FDFT1: variants seen among roughly 807,000 people sequenced by gnomAD.
FDFT1 encodes farnesyl-diphosphate farnesyltransferase 1.
FDFT1 carries 68 observed loss-of-function variants against 46.8 expected under a neutral mutation model. The ratio of observed to expected loss-of-function variants is 1.45; its 90% CI spans 1.19 to 1.78. The LOEUF (loss-of-function observed/expected upper bound fraction) is 1.78, where lower values mean the gene tolerates loss of function less well. FDFT1 is among the 40% of genes most tolerant of loss of function. The pLI, the probability that FDFT1 is intolerant of heterozygous loss-of-function variation, is 0.00. For missense variants in FDFT1, 928 were observed against 524.4 expected (o/e 1.77, Z -7.52); for synonymous variants, 351 against 185.1 (o/e 1.90, Z -7.28).
At chr8:11,824,054 G>C (rs898583943) in intron 4 of FDFT1, among the ~76,000 whole-genome samples, 8 of 152,076 alleles carry the variant, frequency 5.3e-5, no homozygotes, top group Non-Finnish European at 8.8e-5. Context: ...ACAGAGATGA[G>C]GTCTTGCTTT....
Position 11,803,070 on chromosome 8 carries a change from C to G in FDFT1, c.99+139C>G, listed in dbSNP as rs186292939. The G allele has an allele frequency of 1.9e-4, 270 of 1,450,236 alleles. No homozygotes were observed. In the East Asian group the frequency reaches 5.8e-3, roughly 31 times the overall value. 89.8% of individuals were successfully genotyped at this position (1,450,236 alleles called of 1,614,324 possible). A position where few individuals can be genotyped will look rare whatever the true frequency, so the allele number is the denominator to read the frequency against. On this transcript the variant is annotated intron_variant, in intron 1 of 7. Coordinates refer to ENST00000220584, the MANE Select transcript of FDFT1 (RefSeq NM_004462.5). ...CGCCTGGGTGTTCCCGTCCCCCTTT[C>G]CTCGAGCCTTCCCCCTGTAGGGCCC...
chr8:11,808,247 ACT>A (rs769834396), intron 1 of FDFT1: 141 of 1,202,568 alleles, frequency 1.2e-4, no homozygotes, highest in African/African-American at 1.9e-4. Context: ...GTCTAGGGAG[ACT>A]CTGTCACTGG....
At chr8:11,822,318 A>G (rs185896326) in intron 4 of FDFT1, among the ~76,000 whole-genome samples, 14 of 148,984 alleles carry the variant, frequency 9.4e-5, no homozygotes, top group Middle Eastern at 3.5e-3. Flanking sequence ...TAAAGTGTTG[A>G]TGTATTTCAT....
At position 11,820,484 on chromosome 8, in the gene FDFT1, CTGAG is replaced by C. The variant is rs1563320558; in HGVS notation, c.382-1265_382-1262del. Among the ~76,000 whole-genome samples the C allele has an allele frequency of 5.9e-5, 5 of 84,744 alleles. No individual in the cohort carries two copies. In the Admixed American group the frequency reaches 6.7e-4, roughly 11 times the overall value. 55.6% of individuals were successfully genotyped at this position (84,744 alleles called of 152,430 possible). A position where few individuals can be genotyped will look rare whatever the true frequency, so the allele number is the denominator to read the frequency against. On this transcript the variant is annotated intron_variant, in intron 3 of 7. Coordinates refer to ENST00000220584, the MANE Select transcript of FDFT1 (RefSeq NM_004462.5). The stretch of plus-strand genomic sequence containing the variant: ...CAATCTAGAGAGGCAGTAGGCCTTG[CTGAG>C]CTGCGGTGGGCTCCACCCAGTTCAA...
At chr8:11,837,328 T>A (rs1563349012) in intron 7 of FDFT1, among the ~76,000 whole-genome samples, 1 of 152,204 alleles carries the variant, frequency 6.6e-6, no homozygotes, top group Admixed American at 6.5e-5. Context: ...CCTCCCAGGC[T>A]CAAGTGATCT....
At chr8:11,808,559 C>A (rs1279049046) in intron 1 of FDFT1, 2 of 1,367,568 alleles carry the variant, frequency 1.5e-6, no homozygotes, top group South Asian at 1.7e-5. Context: ...TGGCCCTCTT[C>A]AAGCGCACCT....
In FDFT1 at chr8:11,830,270, A is replaced by C. The variant is rs767547038; in HGVS notation, c.729A>C (p.Leu243Phe). 1 of 1,614,052 alleles carries C rather than the reference A, an allele frequency of 6.2e-7. No individual in the cohort carries two copies. Among genetic ancestry groups the C allele is most frequent in the South Asian group, 1.1e-5 (1 of 91,074 alleles). Residue 243 changes from leucine (L) to phenylalanine (F), a missense_variant, in exon 6 of 8, where the codon TTA (leucine) becomes TTC (phenylalanine). Physicochemically the swap from Leu to Phe is conservative, Grantham distance 22. Transcript: ENST00000220584. The stretch of plus-strand genomic sequence containing the variant: ...TTTGGAGCAGGTATGTTAAGAAGTT[A>C]GGGGATTTTGCTAAGCCGGAGAATA... Reference protein sequence around the residue: ...QEVWSRYVKKLGDFAKPENID... With the variant: ...QEVWSRYVKKFGDFAKPENID...
rs71539744 is a variant in FDFT1, at chr8:11,810,933, TAAAAAAAAA to T, written c.381+1100_381+1108del. 5.9e-3 allele frequency among the ~76,000 whole-genome samples: 531 copies of T among 89,436 alleles called. 3 individuals carry two copies. Among genetic ancestry groups the T allele is most frequent in the Non-Finnish European group, 6.8e-3 (321 of 47,030 alleles). 58.7% of individuals were successfully genotyped at this position (89,436 alleles called of 152,430 possible). On this transcript the variant is annotated intron_variant, in intron 3 of 7. Coordinates refer to ENST00000220584, the MANE Select transcript of FDFT1 (RefSeq NM_004462.5). ...TCTTGGGCATAATGGGAGCAATATTTAAAAAAAAAAAAAAAAAAAAAAAAAGGAATGTTT... is the reference window on the plus strand; with the variant it reads ...TCTTGGGCATAATGGGAGCAATATTTAAAAAAAAAAAAAAAAGGAATGTTT...
intron 6 of FDFT1, 28 bp downstream of exon 6, chr8:11,830,448 T>G: frequency 6.4e-7 from 1 of 1,554,192 alleles, no homozygotes. Flanking sequence ...TCTGGGTGGA[T>G]ACGGGGCTAA....
chr8:11,814,321 G>A (rs533602271), intron 3 of FDFT1, among the ~76,000 whole-genome samples: 2 of 146,014 alleles, frequency 1.4e-5, no homozygotes, highest in African/African-American at 2.6e-5. Flanking sequence ...TTTTTTTGGA[G>A]GGACATGGGG....
intron 3 of FDFT1, among the ~76,000 whole-genome samples, chr8:11,821,004 C>G (rs745493518): frequency 1.3e-5 from 2 of 152,330 alleles, no homozygotes; most frequent in Admixed American, 1.3e-4. Flanking sequence ...ATCTTGGAAG[C>G]AACTCTGGGT....
intron 3 of FDFT1, among the ~76,000 whole-genome samples, chr8:11,816,765 T>G (rs889125060): frequency 1.3e-5 from 2 of 152,218 alleles, no homozygotes; most frequent in Non-Finnish European, 2.9e-5. Context: ...TAAGGAGATT[T>G]AGGGCTGAGA....
At chr8:11,797,384 A>G (rs754876271), upstream of FDFT1, among the ~76,000 whole-genome samples, 2 of 152,184 alleles carry the variant, frequency 1.3e-5, no homozygotes, top group Non-Finnish European at 2.9e-5. Context: ...GGGGCTCTCT[A>G]ACAAATAGCA....
intron 3 of FDFT1, among the ~76,000 whole-genome samples, chr8:11,815,938 T>G (rs919131034): frequency 2.0e-5 from 3 of 152,258 alleles, no homozygotes; most frequent in Non-Finnish European, 1.5e-5. Flanking sequence ...ATGAAGTCTT[T>G]GCCCATGCCT....
At chr8:11,796,590 G>C (rs1805588037) in intron 1 of FDFT1, among the ~76,000 whole-genome samples, 1 of 152,180 alleles carries the variant, frequency 6.6e-6, no homozygotes, top group South Asian at 2.1e-4. Flanking sequence ...AAAAGGGGAA[G>C]GCTGCAGCAG....
In FDFT1 at chr8:11,809,829, G is replaced by A; in HGVS notation, c.360G>A (p.Gln120=). The part of the protein sequence containing the change: ...RFMESKEKDR[Q]VLEDFPTISL... ...TGGAGAGCAAGGAGAAGGATCGCCA[G>A]GTGCTGGAGGACTTCCCAACGGTGA... is the stretch of plus-strand genomic sequence containing the variant. Residue 120 remains glutamine, a synonymous_variant, in exon 3 of 8, where the codon CAG becomes CAA. Coordinates refer to ENST00000220584, the MANE Select transcript of FDFT1 (RefSeq NM_004462.5). The A allele has an allele frequency of 1.9e-6, 3 of 1,613,696 alleles. No individual in the cohort carries two copies. Among genetic ancestry groups the A allele is most frequent in the Non-Finnish European group, 2.5e-6 (3 of 1,179,768 alleles).
chr8:11,820,859 C>T (rs980983090), intron 3 of FDFT1, among the ~76,000 whole-genome samples: 2 of 152,310 alleles, frequency 1.3e-5, no homozygotes, highest in African/African-American at 2.4e-5. Context: ...TTTGGCTCAC[C>T]CTCCATGGGC....
chr8:11,833,753 G>A (rs1287564720), intron 7 of FDFT1, among the ~76,000 whole-genome samples: 3 of 152,196 alleles, frequency 2.0e-5, no homozygotes, highest in African/African-American at 2.4e-5. Flanking sequence ...TGCAACAGGC[G>A]ATGACTTGTA....
chr8:11,837,797 A>C (rs1027554112), intron 7 of FDFT1, among the ~76,000 whole-genome samples: 29 of 152,188 alleles, frequency 1.9e-4, no homozygotes, highest in African/African-American at 6.3e-4. Context: ...AGAGGCACTC[A>C]GGGCCTAATC....
Sources: gnomAD v4.1 joint callset for allele counts (sites outside exome capture counted in the v4.1 genomes callset) on GRCh38, gnomAD v4.1.1 for gene constraint, MANE v1.5 for transcripts, NCBI Gene and HGNC (gene_info 2026-07-23, HGNC 2026-07-21) for gene names.